The following NDUFAF6 variants were observed in gnomAD, a reference collection of about 807,000 sequenced individuals.
NDUFAF6 encodes NADH:ubiquinone oxidoreductase complex assembly factor 6.
Under a neutral mutation model 40.8 loss-of-function variants are expected in NDUFAF6, and 45 were observed. That is an observed-to-expected ratio of 1.10 (90% CI 0.87 to 1.42). The LOEUF (loss-of-function observed/expected upper bound fraction) is 1.42. Ranked by LOEUF, NDUFAF6 falls within the 40% of genes most tolerant of loss-of-function variation. The pLI, the probability that NDUFAF6 is intolerant of heterozygous loss-of-function variation, is 0.00. For synonymous variants in NDUFAF6, 185 were observed against 155.9 expected, an observed-to-expected ratio of 1.19 and a Z score of -1.39; for missense variants, 435 against 418.5, an observed-to-expected ratio of 1.04 and a Z score of -0.34.
In NDUFAF6 at chr8:94,992,541, A is replaced by G. The variant is rs79470679; in HGVS notation, c.-84+11568A>G. ...AGTTTACATATAGGTCTATATTCTT[A>G]TTGTAAAATATGGTAAGAATTTAAA... On this transcript the variant is annotated intron_variant, in intron 2 of 9. Coordinates refer to the NDUFAF6 transcript ENST00000396111. Among the ~76,000 whole-genome samples, 20 of 152,294 alleles carry G rather than the reference A, an allele frequency of 1.3e-4. No individual in the cohort carries two copies. In the East Asian group the frequency reaches 3.5e-3, roughly 26 times the overall value.
At chr8:94,967,923 A>G (rs1465195718) in intron 1 of NDUFAF6, among the ~76,000 whole-genome samples, 1 of 139,120 alleles carries the variant, frequency 7.2e-6, no homozygotes, top group East Asian at 2.1e-4. Flanking sequence ...CCTTTGCGAC[A>G]GAGCGAGACT....
downstream of NDUFAF6, among the ~76,000 whole-genome samples, chr8:95,105,916 A>T (rs771789841): frequency 4.6e-5 from 7 of 152,234 alleles, no homozygotes; most frequent in Middle Eastern, 3.4e-3. Context: ...GATTACAGGC[A>T]TGAGTCACCT....
At chr8:94,948,661 G>A (rs1221414230) in intron 2 of NDUFAF6, among the ~76,000 whole-genome samples, 12 of 152,102 alleles carry the variant, frequency 7.9e-5, no homozygotes, top group Admixed American at 7.9e-4. Flanking sequence ...CCCAAGCGCC[G>A]CTGTCTTCGG....
chr8:95,006,453 T>G (rs1300156472), intron 2 of NDUFAF6, among the ~76,000 whole-genome samples: 1 of 152,154 alleles, frequency 6.6e-6, no homozygotes, highest in Non-Finnish European at 1.5e-5. Flanking sequence ...AGGTTTTATT[T>G]TCAGACTCCA....
chr8:95,104,057 G>T (rs1214687085), downstream of NDUFAF6, among the ~76,000 whole-genome samples: 1 of 151,980 alleles, frequency 6.6e-6, no homozygotes, highest in African/African-American at 2.4e-5. Context: ...TTTTTAATGT[G>T]ATAGAGACAA....
rs753013292 is a variant in NDUFAF6, at chr8:94,939,996, T to G, written c.-935-5487T>G. 1.8e-5 allele frequency: 29 copies of G among 1,614,040 alleles called. 1 individual carries two copies. In the South Asian group the frequency reaches 3.1e-4, roughly 17 times the overall value. ...TTTTCCATAGGACTTGTTTCCACCTTGATAGTGGTTAATCCACCTGCAGTA... is the reference window on the plus strand; with the variant it reads ...TTTTCCATAGGACTTGTTTCCACCTGGATAGTGGTTAATCCACCTGCAGTA... On this transcript the variant is annotated intron_variant, in intron 1 of 14. Coordinates refer to the NDUFAF6 transcript ENST00000396113.
chr8:94,915,494 A>G (rs866522491), intron 1 of NDUFAF6, among the ~76,000 whole-genome samples: 27 of 152,276 alleles, frequency 1.8e-4, no homozygotes, highest in Middle Eastern at 3.4e-3. Context: ...GACTGATTCT[A>G]TACTTTTGCT....
chr8:94,949,792 C>T (rs1204374480), intron 2 of NDUFAF6, among the ~76,000 whole-genome samples: 2 of 152,142 alleles, frequency 1.3e-5, no homozygotes, highest in African/African-American at 4.8e-5. Flanking sequence ...GCACAAAGGG[C>T]GCAGAACGTT....
chr8:95,066,719 CAAGG>C (rs1249995808), intron 9 of NDUFAF6: 1 of 152,134 alleles, frequency 6.6e-6, no homozygotes, highest in Non-Finnish European at 1.5e-5. Flanking sequence ...GCAGCAGAAA[CAAGG>C]AAGACGATAA....
chr8:94,938,151 A>G (rs1436553164), intron 1 of NDUFAF6, among the ~76,000 whole-genome samples: 1 of 152,234 alleles, frequency 6.6e-6, no homozygotes, highest in Non-Finnish European at 1.5e-5. Context: ...GGGTGAAGCT[A>G]CGTGTTTGCT....
chr8:95,097,007 G>A (rs984281046), upstream of NDUFAF6, among the ~76,000 whole-genome samples: 1 of 152,234 alleles, frequency 6.6e-6, no homozygotes, highest in Non-Finnish European at 1.5e-5. Context: ...AGCAATACTG[G>A]TGGGATCCTA....
chr8:95,058,437 T>G lies in NDUFAF6; in HGVS notation c.*500T>G. The G allele has an allele frequency of 8.1e-7, 1 of 1,231,686 alleles. No individual in the cohort carries two copies. 76.3% of individuals were successfully genotyped at this position (1,231,686 alleles called of 1,614,324 possible). A position where few individuals can be genotyped will look rare whatever the true frequency, so the allele number is the denominator to read the frequency against. On this transcript the variant is annotated 3_prime_UTR_variant, in exon 9 of 9. Coordinates refer to ENST00000396124, the MANE Select transcript of NDUFAF6 (RefSeq NM_152416.4). ...GAATATCAGTCACGTGTTGTGGGCT[T>G]TTATCCTTAACGTTTAATTTTTACA...
chr8:95,047,647 C>CT (rs2131905949), intron 6 of NDUFAF6, among the ~76,000 whole-genome samples: 1 of 150,900 alleles, frequency 6.6e-6, no homozygotes, highest in South Asian at 2.1e-4. Flanking sequence ...GTAGCTGGGA[C>CT]TACAGGCGCC....
downstream of NDUFAF6, among the ~76,000 whole-genome samples, chr8:95,078,248 G>T (rs1307640707): frequency 6.6e-6 from 1 of 152,148 alleles, no homozygotes; most frequent in African/African-American, 2.4e-5. Context: ...TGCATGCATT[G>T]AGTGTGGAGA....
At chr8:95,114,489 G>A (rs1250451886) in intron 4 of NDUFAF6, among the ~76,000 whole-genome samples, 1 of 152,222 alleles carries the variant, frequency 6.6e-6, no homozygotes, top group Non-Finnish European at 1.5e-5. Context: ...GCCTATGGAG[G>A]TGTACTTCAC....
intron 8 of NDUFAF6, among the ~76,000 whole-genome samples, chr8:95,057,222 C>T (rs966917262): frequency 6.6e-6 from 1 of 151,980 alleles, no homozygotes; most frequent in African/African-American, 2.4e-5. Flanking sequence ...CAATTGAAAG[C>T]CAAAAAAGAA....
chr8:95,083,081 C>T (rs1383060874), intron 2 of NDUFAF6, among the ~76,000 whole-genome samples: 3 of 152,170 alleles, frequency 2.0e-5, no homozygotes, highest in African/African-American at 4.8e-5. Flanking sequence ...GCACTTGACC[C>T]ATATTCCTTA....
chr8:95,007,667 T>TG (rs1377541578), intron 2 of NDUFAF6, among the ~76,000 whole-genome samples: 14 of 149,834 alleles, frequency 9.3e-5, no homozygotes, highest in Admixed American at 6.6e-4. Context: ...CTGTTTTTTT[T>TG]TTTTTTTTTT....
intron 1 of NDUFAF6, among the ~76,000 whole-genome samples, chr8:94,970,253 C>CA (rs891358442): frequency 0.25 from 15,596 of 62,112 alleles, 1,180 homozygotes; most frequent in Middle Eastern, 0.31. Flanking sequence ...GACTCCGTCT[C>CA]AAAAAAAAAA....
Sources: gnomAD v4.1 joint callset for allele counts (sites outside exome capture counted in the v4.1 genomes callset) on GRCh38, gnomAD v4.1.1 for gene constraint, MANE v1.5 for transcripts, NCBI Gene and HGNC (gene_info 2026-07-23, HGNC 2026-07-21) for gene names.